Variants in TGIF1 observed in about 807,000 individuals in gnomAD.
TGIF1 encodes TGFB induced factor homeobox 1.
TGIF1 carries 4 observed loss-of-function variants against 19.3 expected under a neutral mutation model. That is an observed-to-expected ratio of 0.21 (90% CI 0.10 to 0.47). The LOEUF (loss-of-function observed/expected upper bound fraction) is 0.47. Among genes scored for constraint, TGIF1 ranks in the 20% least tolerant of loss-of-function variants. The pLI, the probability that TGIF1 is intolerant of heterozygous loss-of-function variation, is 0.98. For synonymous variants in TGIF1, 122 were observed against 129.3 expected, an observed-to-expected ratio of 0.94 and a Z score of 0.38; for missense variants, 275 against 341.4, an observed-to-expected ratio of 0.81 and a Z score of 1.53.
At chr18:3,444,027 C>T (rs1416343388) in intron 2 of TGIF1, among the ~76,000 whole-genome samples, 2 of 151,658 alleles carry the variant, frequency 1.3e-5, no homozygotes, top group Admixed American at 6.6e-5. Context: ...CTCCACCTCC[C>T]GGGTTCAAAC....
At chr18:3,454,495 C>CTT (rs145268339) in intron 1 of TGIF1, among the ~76,000 whole-genome samples, 4 of 152,082 alleles carry the variant, frequency 2.6e-5, no homozygotes, top group Non-Finnish European at 5.9e-5. Context: ...TAACTTAACA[C>CTT]TTTTTTTAAA....
intron 2 of TGIF1, among the ~76,000 whole-genome samples, chr18:3,419,851 C>G (rs1038114270): frequency 2.0e-5 from 3 of 151,952 alleles, no homozygotes; most frequent in Non-Finnish European, 4.4e-5. Flanking sequence ...ACTAAAAATA[C>G]AAAAATTAGC....
intron 2 of TGIF1, among the ~76,000 whole-genome samples, chr18:3,428,452 T>C (rs1187842069): frequency 6.6e-6 from 1 of 152,126 alleles, no homozygotes; most frequent in Non-Finnish European, 1.5e-5. Context: ...AAAATTATTT[T>C]GGCCGGGTAT....
chr18:3,429,570 A>G lies in TGIF1; in HGVS notation c.-45+11355A>G, dbSNP rs60850302. On this transcript the variant is annotated intron_variant, in intron 2 of 3. Coordinates refer to the TGIF1 transcript ENST00000401449. The stretch of plus-strand genomic sequence containing the variant: ...ACCATGGGCTTTACCGAATCGAGTC[A>G]GAGAAGATAGTAAATGAAGTAACTT... Among the ~76,000 whole-genome samples the G allele has an allele frequency of 1.7e-3, 257 of 152,372 alleles. 1 individual carries two copies. Among genetic ancestry groups the G allele is most frequent in the African/African-American group, 5.7e-3 (239 of 41,590 alleles).
In TGIF1 at chr18:3,457,710, AAC is replaced by A; in HGVS notation, c.593_594del (p.Thr198ArgfsTer23). The A allele has an allele frequency of 6.2e-7, 1 of 1,614,206 alleles. No homozygotes were observed. ...CTGCCAGTCGGTCGGTGTGGGACAAAACACAGATATACAGCAGATAGCGGCCA... is the reference window on the plus strand; with the variant it reads ...CTGCCAGTCGGTCGGTGTGGGACAAAACAGATATACAGCAGATAGCGGCCA... ...SLCQSVGVGQ[N>X]TDIQQIAAKN... On this transcript the variant is annotated frameshift_variant, in exon 3 of 3. Transcript: ENST00000343820. LOFTEE classifies it high-confidence loss of function. The surrounding 1 kb of genome is among the most constrained non-coding windows in gnomAD (Gnocchi z 4.9).
chr18:3,445,874 G>A (rs1219886641), upstream of TGIF1, among the ~76,000 whole-genome samples: 4 of 149,310 alleles, frequency 2.7e-5, no homozygotes, highest in Admixed American at 6.7e-5. Flanking sequence ...AGGCCCTGGC[G>A]TCCCTGGCAT....
intron 2 of TGIF1, among the ~76,000 whole-genome samples, chr18:3,426,007 G>C (rs989366988): frequency 2.6e-5 from 4 of 151,858 alleles, no homozygotes; most frequent in Non-Finnish European, 5.9e-5. Flanking sequence ...AGCATCCTAC[G>C]TTGTGAGAGT....
chr18:3,445,716 T>C (rs2082732968), upstream of TGIF1, among the ~76,000 whole-genome samples: 2 of 71,790 alleles, frequency 2.8e-5, no homozygotes, highest in Admixed American at 2.4e-4. Flanking sequence ...AGAGCAAGAC[T>C]CTGTCTCAAA....
At chr18:3,453,717 AGGAAC>A (rs2083071163) in intron 1 of TGIF1, 1 of 525,658 alleles carries the variant, frequency 1.9e-6, no homozygotes, top group African/African-American at 2.1e-5. Flanking sequence ...AAGAACGTGC[AGGAAC>A]AAGGTCGCTG....
chr18:3,429,803 CT>C (rs1366687906), intron 2 of TGIF1, among the ~76,000 whole-genome samples: 17 of 152,360 alleles, frequency 1.1e-4, no homozygotes, highest in African/African-American at 4.1e-4. Context: ...CAACTAACTT[CT>C]GAGAAACAAT....
At position 3,459,746 on chromosome 18, in the gene TGIF1, CTG is replaced by C. The variant is rs1228081358; in HGVS notation, c.*1808_*1809del. On this transcript the variant is annotated 3_prime_UTR_variant, in exon 3 of 3. Coordinates refer to ENST00000343820, the MANE Select transcript of TGIF1 (RefSeq NM_003244.4). Reference sequence around the variant, plus strand: ...CCATATGACTCATTTAAAAGAAAAACTGTAAGTCACCTTAAATTCCCTATGTT... The same window carrying C: ...CCATATGACTCATTTAAAAGAAAAACTAAGTCACCTTAAATTCCCTATGTT... The C allele has an allele frequency of 1.3e-5, 2 of 152,166 alleles. No homozygotes were observed. Among genetic ancestry groups the C allele is most frequent in the African/African-American group, 2.4e-5 (1 of 41,442 alleles). 9.4% of individuals were successfully genotyped at this position (152,166 alleles called of 1,614,324 possible).
chr18:3,441,761 A>C (rs2082679639), intron 2 of TGIF1, among the ~76,000 whole-genome samples: 1 of 152,222 alleles, frequency 6.6e-6, no homozygotes. Flanking sequence ...AATTCAATTT[A>C]TCTCTGATAT....
intron 2 of TGIF1, among the ~76,000 whole-genome samples, chr18:3,444,053 G>A (rs1021043843): frequency 6.6e-6 from 1 of 151,278 alleles, no homozygotes; most frequent in Non-Finnish European, 1.5e-5. Context: ...TCCTGCCTCA[G>A]CCTACCGAGC....
At chr18:3,448,076 G>C (rs187502285), upstream of TGIF1, 315 of 978,974 alleles carry the variant, frequency 3.2e-4, no homozygotes, top group African/African-American at 4.0e-3. Context: ...AAGCGGGCGG[G>C]GGGGGAGGTA....
At chr18:3,452,328 T>A in intron 1 of TGIF1, 1 of 1,613,120 alleles carries the variant, frequency 6.2e-7, no homozygotes, top group Non-Finnish European at 8.5e-7. Context: ...GCGGTCCCCA[T>A]CCCAGGGCGC....
Position 3,451,937 on chromosome 18 carries a change from G to C in TGIF1, c.16+1432G>C, listed in dbSNP as rs921266932. 3.9e-6 allele frequency: 6 copies of C among 1,546,654 alleles called. No individual in the cohort carries two copies. Among genetic ancestry groups the C allele is most frequent in the Non-Finnish European group, 5.2e-6 (6 of 1,144,894 alleles). ...TCTAGAGACACGCGCTGTCTGTTGT[G>C]GTGGGCCTCCCGGGAATAAGTGAGG... On this transcript the variant is annotated intron_variant, in intron 1 of 2. Transcript: ENST00000343820. This position sits in a 1 kb window ranked among gnomAD's most constrained non-coding sequence, Gnocchi z 5.4.
chr18:3,433,366 G>A (rs950963645), intron 2 of TGIF1, among the ~76,000 whole-genome samples: 61 of 152,236 alleles, frequency 4.0e-4, no homozygotes, highest in African/African-American at 1.4e-3. Flanking sequence ...CAGCCACCAC[G>A]CCTGGCCCTT....
intron 2 of TGIF1, among the ~76,000 whole-genome samples, chr18:3,427,416 C>T (rs1222566918): frequency 2.0e-5 from 3 of 151,978 alleles, no homozygotes; most frequent in Admixed American, 6.6e-5. Context: ...CTCAGCCTCC[C>T]GAGTAGCTGG....
chr18:3,450,475 G>A lies in TGIF1; in HGVS notation c.-15G>A. 3.2e-6 allele frequency: 5 copies of A among 1,558,944 alleles called. No homozygotes were observed. The highest frequency in any genetic ancestry group is 1.2e-5 in the South Asian group (1 of 84,496). Reference sequence around the variant, plus strand: ...AGACCCCCGCCTTGCCTCGCGCTGGGAGGGGAGATCCAGAATGAAAGGCAA... The same window carrying A: ...AGACCCCCGCCTTGCCTCGCGCTGGAAGGGGAGATCCAGAATGAAAGGCAA... On this transcript the variant is annotated 5_prime_UTR_variant, in exon 1 of 3. Coordinates refer to ENST00000343820, the MANE Select transcript of TGIF1 (RefSeq NM_003244.4).
Sources: gnomAD v4.1 joint callset for allele counts (sites outside exome capture counted in the v4.1 genomes callset) on GRCh38, gnomAD v4.1.1 for gene constraint, Gnocchi (gnomAD v3.1) non-coding constraint, MANE v1.5 for transcripts, NCBI Gene and HGNC (gene_info 2026-07-23, HGNC 2026-07-21) for gene names.